MYH9: variants seen among roughly 807,000 people sequenced by gnomAD.
The protein encoded by MYH9 is myosin-9.
A neutral mutation model predicts 241.9 loss-of-function variants in MYH9; 29 were observed. That is an observed-to-expected ratio of 0.12 (90% CI 0.09 to 0.16). The LOEUF (loss-of-function observed/expected upper bound fraction) is 0.16, where lower values mean the gene tolerates loss of function less well. Among genes scored for constraint, MYH9 ranks in the 10% least tolerant of loss-of-function variants. The pLI is 1.00. For missense variants in MYH9, 1,803 were observed against 2,595.5 expected, an observed-to-expected ratio of 0.69 and a Z score of 6.63; for synonymous variants, 1,047 against 1,062.6, an observed-to-expected ratio of 0.99 and a Z score of 0.29.
chr22:36,309,386 T>C lies in MYH9; in HGVS notation c.1739A>G (p.Lys580Arg), dbSNP rs1373796932. 8.1e-6 allele frequency: 13 copies of C among 1,613,946 alleles called. No individual in the cohort carries two copies. Among genetic ancestry groups the C allele is most frequent in the Non-Finnish European group, 1.1e-5 (13 of 1,179,956 alleles). The change falls in exon 15 of 41, where the codon AAA becomes AGA. Residue 580 changes from lysine to arginine, a missense_variant. Coordinates refer to ENST00000216181, the MANE Select transcript of MYH9 (RefSeq NM_002473.6). ...IIHYAGKVDYKADEWLMKNMD... is the reference protein window; with the variant it reads ...IIHYAGKVDYRADEWLMKNMD... Reference sequence around the variant, plus strand: ...GTTCTTCATCAGCCACTCGTCAGCTTTGTAATCCACCTGGCGGGGTCAGAG... The same window carrying C: ...GTTCTTCATCAGCCACTCGTCAGCTCTGTAATCCACCTGGCGGGGTCAGAG...
Position 36,282,427 on chromosome 22 carries a change from G to C in MYH9, c.*241C>G, listed in dbSNP as rs959781651. On this transcript the variant is annotated 3_prime_UTR_variant, in exon 41 of 41. Coordinates refer to ENST00000216181, the MANE Select transcript of MYH9 (RefSeq NM_002473.6). The stretch of plus-strand genomic sequence containing the variant: ...CTGGTCGCTCTCTGCCTGGGCCCGG[G>C]CCCTGTCTCTTTGGTATCAGATTCT... 1 of 631,304 alleles carries C rather than the reference G, an allele frequency of 1.6e-6. No individual in the cohort carries two copies. Among genetic ancestry groups the C allele is most frequent in the African/African-American group, 1.8e-5 (1 of 55,334 alleles). The allele number at this position is 631,304 out of a possible 1,614,324, so 39.1% of individuals were successfully genotyped here. A position where few individuals can be genotyped will look rare whatever the true frequency, so the allele number is the denominator to read the frequency against.
In MYH9 at chr22:36,322,489, G is replaced by A. The variant is rs762533157; in HGVS notation, c.645C>T (p.Asn215=). 27 of 1,613,618 alleles carry A rather than the reference G, an allele frequency of 1.7e-5. No homozygotes were observed. The Admixed American group carries it at 4.5e-4, about 27-fold the overall frequency. ...GELERQLLQA[N]PILEAFGNAK... is the part of the protein sequence containing the mutation. ...CGTTCCCGAAGGCCTCCAGGATGGG[G>A]TTGGCCTGCAGCAGCTGCCGCTCCA... is the stretch of plus-strand genomic sequence containing the variant. Residue 215 remains asparagine (N), a synonymous_variant, in exon 6 of 41, where the codon AAC becomes AAT. Coordinates refer to ENST00000216181, the MANE Select transcript of MYH9 (RefSeq NM_002473.6).
At chr22:36,351,839 T>A (rs1361861383) in intron 1 of MYH9, among the ~76,000 whole-genome samples, 3 of 151,824 alleles carry the variant, frequency 2.0e-5, no homozygotes, top group African/African-American at 7.3e-5. Flanking sequence ...ACCCCGCCAA[T>A]GAACGCATCT....
At chr22:36,284,294 C>G (rs201722134) in intron 39 of MYH9, 29 bp from the exon 40 acceptor site, 36 of 1,606,022 alleles carry the variant, frequency 2.2e-5, no homozygotes, top group Admixed American at 1.5e-4. Flanking sequence ...GGCCCGTGGC[C>G]CCGGTTAGGG....
chr22:36,353,002 C>T (rs561912386), intron 1 of MYH9, among the ~76,000 whole-genome samples: 1 of 151,766 alleles, frequency 6.6e-6, no homozygotes, highest in African/African-American at 2.4e-5. Context: ...CTATGAAAGC[C>T]CCCTCGGCCA....
rs2016752150 is a variant in MYH9, at chr22:36,294,150, T to C, written c.3779A>G (p.Lys1260Arg). 6.2e-7 allele frequency: 1 copy of C among 1,613,008 alleles called. No individual in the cohort carries two copies. The highest frequency in any genetic ancestry group is 8.5e-7 in the Non-Finnish European group (1 of 1,180,024). ...VEAQLQELQVKFNEGERVRTE... is the reference protein window; with the variant it reads ...VEAQLQELQVRFNEGERVRTE... ...GCGCACGCGCTCTCCCTCGTTGAAC[T>C]TGACCTGCAGCTCCTGCAGCTGCGC... The change falls in exon 28 of 41, where the codon AAG (lysine) becomes AGG (arginine). Residue 1260 changes from lysine (K) to arginine (R), a missense_variant. By Grantham distance (26) the Lys-to-Arg change is conservative. Around this residue, in one of 11 missense-constraint regions of MYH9, gnomAD observed 876 missense variants for 1,077.8 expected, o/e 0.81. Coordinates refer to ENST00000216181, the MANE Select transcript of MYH9 (RefSeq NM_002473.6).
intron 2 of MYH9, among the ~76,000 whole-genome samples, chr22:36,348,191 A>T (rs2017708870): frequency 1.3e-5 from 2 of 150,362 alleles, no homozygotes; most frequent in South Asian, 2.1e-4. Flanking sequence ...GATTTTTTAA[A>T]GATATTATTA....
At chr22:36,355,827 GCAAA>G (rs969325646) in intron 1 of MYH9, among the ~76,000 whole-genome samples, 6 of 152,130 alleles carry the variant, frequency 3.9e-5, no homozygotes, top group Non-Finnish European at 8.8e-5. Flanking sequence ...GCTACAAGAA[GCAAA>G]CAAACAGAGA....
chr22:36,308,434 T>C (rs1320469249), intron 15 of MYH9, among the ~76,000 whole-genome samples: 1 of 147,822 alleles, frequency 6.8e-6, no homozygotes, highest in Non-Finnish European at 1.5e-5. Flanking sequence ...CCAGCTGATT[T>C]TTTTTTTTTT....
chr22:36,306,585 G>A lies in MYH9; in HGVS notation c.1866C>T (p.Asp622=), dbSNP rs529696501. The stretch of plus-strand genomic sequence containing the variant: ...CGGTCTCCGACATGCCGGCCACCTG[G>A]TCCAGGCCGATGATGCGGTCCACTG... ...WKDVDRIIGL[D]QVAGMSETAL... Residue 622 remains aspartate (D), a synonymous_variant, in exon 16 of 41, where the codon GAC becomes GAT. Coordinates refer to ENST00000216181, the MANE Select transcript of MYH9 (RefSeq NM_002473.6). This position sits in a 1 kb window ranked among gnomAD's most constrained non-coding sequence, Gnocchi z 4.1. 7 of 1,613,620 alleles carry A rather than the reference G, an allele frequency of 4.3e-6. No individual in the cohort carries two copies. The East Asian group carries it at 1.3e-4, about 31-fold the overall frequency.
chr22:36,316,364 A>G (rs1237070387), intron 12 of MYH9, 153 bp downstream of exon 12: 6 of 1,157,142 alleles, frequency 5.2e-6, no homozygotes, highest in Non-Finnish European at 3.8e-6. Context: ...AGAAAAAAAA[A>G]AAAACAACCC....
At chr22:36,356,508 G>A (rs556259410) in intron 1 of MYH9, among the ~76,000 whole-genome samples, 1 of 148,362 alleles carries the variant, frequency 6.7e-6, no homozygotes, top group South Asian at 2.1e-4. Context: ...TTGAACCCAG[G>A]AGGCAGAGGT....
At position 36,292,206 on chromosome 22, in the gene MYH9, T is replaced by G; in HGVS notation, c.4124A>C (p.Asp1375Ala). ...QVADMKKKME[D>A]SVGCLETAEE... Reference sequence around the variant, plus strand: ...AGCAGTTTCCAGGCACCCCACACTGTCCTCCATCTTCTTTTTCATGTCGGC... The same window carrying G: ...AGCAGTTTCCAGGCACCCCACACTGGCCTCCATCTTCTTTTTCATGTCGGC... Residue 1375 changes from aspartate to alanine, a missense_variant, in exon 31 of 41, where the codon GAC becomes GCC. Physicochemically the swap from Asp to Ala is moderately radical, Grantham distance 126. This residue lies in a region of MYH9 where 876 missense variants were observed against 1,077.8 expected (regional missense o/e 0.81). Coordinates refer to ENST00000216181, the MANE Select transcript of MYH9 (RefSeq NM_002473.6). 1 of 1,613,946 alleles carries G rather than the reference T, an allele frequency of 6.2e-7. No homozygotes were observed. Among genetic ancestry groups the G allele is most frequent in the Non-Finnish European group, 8.5e-7 (1 of 1,179,998 alleles).
intron 3 of MYH9, among the ~76,000 whole-genome samples, chr22:36,336,040 G>C (rs546050125): frequency 6.6e-6 from 1 of 152,324 alleles, no homozygotes; most frequent in South Asian, 2.1e-4. Context: ...TTGGGAACCA[G>C]GGATCGGGTG....
intron 1 of MYH9, among the ~76,000 whole-genome samples, chr22:36,375,429 G>T (rs2018150839): frequency 6.6e-6 from 1 of 152,166 alleles, no homozygotes; most frequent in African/African-American, 2.4e-5. Context: ...CCCCGCTGTG[G>T]GTTGCCAACT....
At chr22:36,382,637 T>C (rs1470472180) in intron 1 of MYH9, among the ~76,000 whole-genome samples, 1 of 151,856 alleles carries the variant, frequency 6.6e-6, no homozygotes, top group African/African-American at 2.4e-5. Context: ...ACCCCATCTC[T>C]ACTAAAAATG....
At position 36,341,608 on chromosome 22, in the gene MYH9, G is replaced by A. The variant is rs1013326279; in HGVS notation, c.334-82C>T. ...ACAAACTTTGTAGCAAAATATCTGC[G>A]GCTTCAAAGGACCCCTGAGTCAGCC... is the stretch of plus-strand genomic sequence containing the variant. On this transcript the variant is annotated intron_variant, in intron 2 of 40. Coordinates refer to ENST00000216181, the MANE Select transcript of MYH9 (RefSeq NM_002473.6). 122 of 1,502,884 alleles carry A rather than the reference G, an allele frequency of 8.1e-5. No homozygotes were observed. The African/African-American group carries it at 1.2e-3, about 15-fold the overall frequency. 93.1% of individuals were successfully genotyped at this position (1,502,884 alleles called of 1,614,324 possible).
At chr22:36,367,455 C>T (rs141979556) in intron 1 of MYH9, among the ~76,000 whole-genome samples, 2 of 152,344 alleles carry the variant, frequency 1.3e-5, no homozygotes, top group East Asian at 3.9e-4. Context: ...CAATGCCAAG[C>T]TTTCCAGAGA....
chr22:36,353,291 G>A (rs1018446019), intron 1 of MYH9, among the ~76,000 whole-genome samples: 1 of 152,148 alleles, frequency 6.6e-6, no homozygotes, highest in Non-Finnish European at 1.5e-5. Context: ...CCGGGAGGTA[G>A]TCTATCAAAC....
Sources: allele counts gnomAD v4.1 joint callset (sites outside exome capture counted in the v4.1 genomes callset), GRCh38; gene constraint gnomAD v4.1.1; regional missense constraint gnomAD v4.1.1; non-coding constraint Gnocchi (gnomAD v3.1); transcripts MANE v1.5; gene names NCBI Gene and HGNC (gene_info 2026-07-23, HGNC 2026-07-21).